Variants in DSCAML1 observed in about 807,000 individuals in gnomAD.
DSCAML1 encodes the protein cell adhesion molecule DSCAML1.
DSCAML1 carries 38 observed loss-of-function variants against 200.5 expected under a neutral mutation model. The ratio of observed to expected loss-of-function variants is 0.19; its 90% CI spans 0.15 to 0.25. The LOEUF is 0.25. Ranked by LOEUF, DSCAML1 falls within the 10% of genes least tolerant of loss-of-function variation. The pLI is 1.00. For synonymous variants in DSCAML1, 1,215 were observed against 1,165.0 expected, an observed-to-expected ratio of 1.04 and a Z score of -0.87; for missense variants, 2,223 against 2,858.8, an observed-to-expected ratio of 0.78 and a Z score of 5.07.
intron 1 of DSCAML1, among the ~76,000 whole-genome samples, chr11:117,812,098 A>G (rs2055766240): frequency 6.6e-6 from 1 of 152,000 alleles, no homozygotes; most frequent in Non-Finnish European, 1.5e-5. Context: ...GCTGCATCTC[A>G]TTGCTGCCCT....
chr11:117,566,693 G>A (rs996377690), intron 3 of DSCAML1, among the ~76,000 whole-genome samples: 2 of 150,624 alleles, frequency 1.3e-5, no homozygotes, highest in African/African-American at 4.9e-5. Flanking sequence ...TCATCATCTA[G>A]CATTAGGTAT....
chr11:117,721,375 C>T (rs2054038380), intron 3 of DSCAML1, among the ~76,000 whole-genome samples: 1 of 152,166 alleles, frequency 6.6e-6, no homozygotes, highest in Non-Finnish European at 1.5e-5. Flanking sequence ...TGTCACTCTC[C>T]AGGTGCCAAG....
intron 3 of DSCAML1, among the ~76,000 whole-genome samples, chr11:117,594,557 G>A (rs141988967): frequency 9.2e-5 from 14 of 152,348 alleles, no homozygotes; most frequent in African/African-American, 3.1e-4. Flanking sequence ...CTGTGAATTT[G>A]GAGATGGTGT....
intron 3 of DSCAML1, among the ~76,000 whole-genome samples, chr11:117,562,630 T>C (rs947056752): frequency 2.0e-5 from 3 of 152,244 alleles, no homozygotes; most frequent in African/African-American, 7.2e-5. Context: ...ACACTAGTTC[T>C]TGGCCAGTAG....
intron 3 of DSCAML1, among the ~76,000 whole-genome samples, chr11:117,579,997 G>A (rs1237064199): frequency 1.3e-5 from 2 of 152,106 alleles, no homozygotes; most frequent in Non-Finnish European, 2.9e-5. Context: ...CGTCATCAGA[G>A]CTTTGCTTCC....
At chr11:117,779,947 T>C (rs976017970) in intron 2 of DSCAML1, among the ~76,000 whole-genome samples, 1 of 152,014 alleles carries the variant, frequency 6.6e-6, no homozygotes, top group Non-Finnish European at 1.5e-5. Flanking sequence ...GGGTTTTCTA[T>C]AAGTCAAGGG....
intron 3 of DSCAML1, among the ~76,000 whole-genome samples, chr11:117,577,544 T>TTCCTTCCTTCCTTTCCTTCCC (rs1565801949): frequency 1.0e-5 from 1 of 99,160 alleles, no homozygotes; most frequent in Admixed American, 1.1e-4. Context: ...CTTTCCTTCC[T>TTCCTTCCTTCCTTTCCTTCCC]TCCCTCCCTC....
rs996650617 is a variant in DSCAML1 at position 117,764,619 on chromosome 11, G to A, written c.511+12172C>T. ...TTAGATAGATTTAGGGGATGACATC[G>A]ATGTCAGACATGGCTGGCACAGCTA... On this transcript the variant is annotated intron_variant, in intron 3 of 32. Transcript: ENST00000651296. 7.2e-5 allele frequency among the ~76,000 whole-genome samples: 11 copies of A among 152,228 alleles called. No individual in the cohort carries two copies. In the South Asian group the frequency reaches 8.3e-4, roughly 11 times the overall value.
chr11:117,666,111 C>A (rs2052969700), intron 3 of DSCAML1, among the ~76,000 whole-genome samples: 1 of 152,150 alleles, frequency 6.6e-6, no homozygotes, highest in South Asian at 2.1e-4. Flanking sequence ...GTTTGTTGGC[C>A]TCCTTGGGCC....
intron 11 of DSCAML1, among the ~76,000 whole-genome samples, chr11:117,500,699 A>G (rs1162129915): frequency 2.0e-5 from 3 of 152,194 alleles, no homozygotes; most frequent in Admixed American, 1.3e-4. Flanking sequence ...GAGCACCATT[A>G]AGTGAGTGCT....
chr11:117,553,332 A>G (rs2050501457), intron 3 of DSCAML1, among the ~76,000 whole-genome samples: 1 of 152,250 alleles, frequency 6.6e-6, no homozygotes, highest in South Asian at 2.1e-4. Context: ...GGACTCAACC[A>G]TCAGAGTGAA....
intron 3 of DSCAML1, among the ~76,000 whole-genome samples, chr11:117,687,136 A>C (rs1015142412): frequency 6.6e-6 from 1 of 152,230 alleles, no homozygotes; most frequent in African/African-American, 2.4e-5. Context: ...TAGGAGAGAC[A>C]GGAAGAAAAG....
At chr11:117,639,684 G>A (rs12282469) in intron 3 of DSCAML1, among the ~76,000 whole-genome samples, 2,235 of 152,182 alleles carry the variant, frequency 0.015, 39 homozygotes, top group African/African-American at 0.046. Context: ...GCTTGTCTTC[G>A]TTGCCATTCT....
chr11:117,661,285 C>A (rs1448170505), intron 3 of DSCAML1, among the ~76,000 whole-genome samples: 2 of 152,168 alleles, frequency 1.3e-5, no homozygotes, highest in Non-Finnish European at 2.9e-5. Context: ...CAGACCTCGG[C>A]CAAGAAACAA....
chr11:117,672,121 A>AAAAAAAAAAG (rs1555196996), intron 3 of DSCAML1, among the ~76,000 whole-genome samples: 82 of 147,544 alleles, frequency 5.6e-4, no homozygotes, highest in Admixed American at 1.8e-3. Flanking sequence ...AAAAAAAAAA[A>AAAAAAAAAAG]AAGAAGAAAC....
intron 3 of DSCAML1, among the ~76,000 whole-genome samples, chr11:117,758,081 T>C (rs1213214609): frequency 6.6e-6 from 1 of 151,942 alleles, no homozygotes; most frequent in African/African-American, 2.4e-5. Context: ...GGCAGGTGGA[T>C]CACAAGGTCA....
At chr11:117,641,702 C>T (rs2052411742) in intron 3 of DSCAML1, among the ~76,000 whole-genome samples, 1 of 152,122 alleles carries the variant, frequency 6.6e-6, no homozygotes, top group Non-Finnish European at 1.5e-5. Flanking sequence ...ACAACTGCAC[C>T]CCCACCAACT....
At chr11:117,513,463 G>A (rs1276207828) in intron 8 of DSCAML1, among the ~76,000 whole-genome samples, 1 of 152,142 alleles carries the variant, frequency 6.6e-6, no homozygotes, top group Non-Finnish European at 1.5e-5. Context: ...ACTTTCATCC[G>A]GGAGCGGTGG....
intron 8 of DSCAML1, among the ~76,000 whole-genome samples, chr11:117,509,581 G>T (rs1417397653): frequency 6.6e-6 from 1 of 152,200 alleles, no homozygotes; most frequent in Non-Finnish European, 1.5e-5. Flanking sequence ...ACACCGGGCA[G>T]CCTGGAGGGG....
Sources: gnomAD v4.1 joint callset for allele counts (sites outside exome capture counted in the v4.1 genomes callset) on GRCh38, gnomAD v4.1.1 for gene constraint, MANE v1.5 for transcripts, NCBI Gene and HGNC (gene_info 2026-07-23, HGNC 2026-07-21) for gene names.